Variants in AFF3 observed in about 807,000 individuals in gnomAD.
AFF3 encodes AF4/FMR2 family member 3.
In AFF3, 32 loss-of-function variants were observed where a neutral mutation model predicts 129.7. The ratio of observed to expected loss-of-function variants is 0.25; its 90% CI spans 0.19 to 0.33. The LOEUF is 0.33. AFF3 is among the 10% of genes least tolerant of loss of function. AFF3 has a pLI of 1.00. For missense variants in AFF3, 1,373 were observed against 1,592.0 expected (o/e 0.86, Z 2.34); for synonymous variants, 644 against 635.4 (o/e 1.01, Z -0.20).
At chr2:100,022,951 C>T (rs1188690700) in intron 4 of AFF3, among the ~76,000 whole-genome samples, 10 of 152,214 alleles carry the variant, frequency 6.6e-5, no homozygotes, top group Admixed American at 6.5e-4. Flanking sequence ...TCACATTTCT[C>T]CCCATCCTTG....
chr2:99,716,892 A>G (rs1558780782), intron 11 of AFF3, among the ~76,000 whole-genome samples: 6 of 148,838 alleles, frequency 4.0e-5, no homozygotes, highest in Non-Finnish European at 8.9e-5. Flanking sequence ...CAAAAAAAAA[A>G]TATATATATA....
At chr2:99,695,938 G>GAAAAAAAAAAAAAA (rs10719354) in intron 11 of AFF3, among the ~76,000 whole-genome samples, 101 of 57,628 alleles carry the variant, frequency 1.8e-3, no homozygotes, top group African/African-American at 3.4e-3. Context: ...CTGGAAAAAT[G>GAAAAAAAAAAAAAA]AAAAAAAAAA....
chr2:99,814,464 G>T (rs1182941714), intron 8 of AFF3, among the ~76,000 whole-genome samples: 1 of 152,182 alleles, frequency 6.6e-6, no homozygotes, highest in Non-Finnish European at 1.5e-5. Flanking sequence ...GGAAGGGCAG[G>T]TCCTGGGGAA....
At chr2:99,799,310 G>T (rs1472005745) in intron 8 of AFF3, among the ~76,000 whole-genome samples, 1 of 151,740 alleles carries the variant, frequency 6.6e-6, no homozygotes, top group Non-Finnish European at 1.5e-5. Flanking sequence ...ATGAAACACA[G>T]AGAGAAAAGA....
intron 7 of AFF3, among the ~76,000 whole-genome samples, chr2:99,865,053 C>T (rs1193865523): frequency 2.0e-5 from 3 of 152,226 alleles, no homozygotes; most frequent in Non-Finnish European, 4.4e-5. Context: ...TCTGACAACA[C>T]TGCAACACTC....
intron 4 of AFF3, among the ~76,000 whole-genome samples, chr2:100,026,269 T>C (rs547232772): frequency 1.3e-5 from 2 of 152,282 alleles, no homozygotes; most frequent in South Asian, 2.1e-4. Flanking sequence ...AAAGATGTTA[T>C]ACAAATGGCC....
chr2:99,945,624 C>T (rs1186679981), intron 7 of AFF3, among the ~76,000 whole-genome samples: 1 of 152,182 alleles, frequency 6.6e-6, no homozygotes, highest in African/African-American at 2.4e-5. Flanking sequence ...TCTCCATCGG[C>T]CTCACCCTCA....
intron 11 of AFF3, among the ~76,000 whole-genome samples, chr2:99,710,341 C>G (rs560880086): frequency 1.3e-5 from 2 of 152,162 alleles, no homozygotes; most frequent in African/African-American, 4.8e-5. Context: ...GCAACCTCTG[C>G]TTCCCCAGTT....
At chr2:100,139,444 G>A (rs532363157) in intron 1 of AFF3, among the ~76,000 whole-genome samples, 1 of 152,244 alleles carries the variant, frequency 6.6e-6, no homozygotes, top group South Asian at 2.1e-4. Flanking sequence ...CTGTCAACAG[G>A]CTATAGGGGA....
At chr2:99,883,554 G>A (rs1692885618) in intron 7 of AFF3, among the ~76,000 whole-genome samples, 1 of 152,230 alleles carries the variant, frequency 6.6e-6, no homozygotes, top group African/African-American at 2.4e-5. Flanking sequence ...AATCTTTGGA[G>A]TGACCCTTCA....
chr2:99,867,516 G>T (rs1430147919), intron 7 of AFF3, among the ~76,000 whole-genome samples: 1 of 143,068 alleles, frequency 7.0e-6, no homozygotes, highest in Non-Finnish European at 1.5e-5. Context: ...AGGAGTAAGA[G>T]AAACCTCCAG....
Position 99,930,834 on chromosome 2 carries a change from T to C in AFF3, c.873+75798A>G, listed in dbSNP as rs555963401. On this transcript the variant is annotated intron_variant, in intron 7 of 24. Transcript: ENST00000672756. Reference sequence around the variant, plus strand: ...CAAAATGTATGCATTTTCCAATTCATGGTTTTCAAGGACATGTTCCATTTC... The same window carrying C: ...CAAAATGTATGCATTTTCCAATTCACGGTTTTCAAGGACATGTTCCATTTC... 4.0e-4 allele frequency among the ~76,000 whole-genome samples: 61 copies of C among 151,096 alleles called. No homozygotes were observed. The South Asian group carries it at 0.012, about 29-fold the overall frequency.
intron 11 of AFF3, among the ~76,000 whole-genome samples, chr2:99,687,508 C>T (rs1675187315): frequency 6.6e-6 from 1 of 152,130 alleles, no homozygotes; most frequent in African/African-American, 2.4e-5. Context: ...CGAGGACACT[C>T]TTCAAGCCAC....
In AFF3 at chr2:99,545,617, C is replaced by T. The variant is rs187578124; in HGVS notation, c.*5857G>A. On this transcript the variant is annotated 3_prime_UTR_variant, in exon 25 of 25. Transcript: ENST00000672756. ...TACATCAATACCCCTGGTGCTTCAA[C>T]ACAAATGCTGACCCTTGTACTGACT... 6.5e-6 allele frequency: 1 copy of T among 154,982 alleles called. No individual in the cohort carries two copies. Among genetic ancestry groups the T allele is most frequent in the East Asian group, 1.8e-4 (1 of 5,680 alleles). The allele number at this position is 154,982 out of a possible 1,614,324, so 9.6% of individuals were successfully genotyped here.
intron 7 of AFF3, among the ~76,000 whole-genome samples, chr2:99,938,894 C>G (rs1674770475): frequency 6.6e-6 from 1 of 152,204 alleles, no homozygotes; most frequent in Non-Finnish European, 1.5e-5. Context: ...GGCCTTTATA[C>G]ATGCAGCCCC....
chr2:99,744,323 T>A (rs1396176488), intron 9 of AFF3, among the ~76,000 whole-genome samples, 183 bp from the exon 10 acceptor site: 1 of 152,250 alleles, frequency 6.6e-6, no homozygotes, highest in East Asian at 1.9e-4. Flanking sequence ...GTTCTGGGAA[T>A]ATACTTCACA....
rs1023837568 is a variant in AFF3, at chr2:100,041,842, A to G, written c.54-32910T>C. On this transcript the variant is annotated intron_variant, in intron 4 of 24. Transcript: ENST00000672756. Reference sequence around the variant, plus strand: ...TAGAAGGGATATTTGCATCATCACAAGTACACAGGCTATTATTACATGTAA... The same window carrying G: ...TAGAAGGGATATTTGCATCATCACAGGTACACAGGCTATTATTACATGTAA... Among the ~76,000 whole-genome samples the G allele has an allele frequency of 5.3e-5, 8 of 152,328 alleles. No individual in the cohort carries two copies. The East Asian group carries it at 1.5e-3, about 29-fold the overall frequency.
At chr2:100,036,077 T>G (rs1356979232) in intron 4 of AFF3, among the ~76,000 whole-genome samples, 2 of 137,746 alleles carry the variant, frequency 1.5e-5, no homozygotes, top group Non-Finnish European at 1.5e-5. Context: ...AGAGAGAAAA[T>G]TGATATGGTT....
At chr2:100,022,991 T>A (rs1447454779) in intron 4 of AFF3, among the ~76,000 whole-genome samples, 1 of 152,220 alleles carries the variant, frequency 6.6e-6, no homozygotes, top group Non-Finnish European at 1.5e-5. Flanking sequence ...CAATTAGTCC[T>A]CTGCCGAGTT....
Sources: allele counts gnomAD v4.1 joint callset (sites outside exome capture counted in the v4.1 genomes callset), GRCh38; gene constraint gnomAD v4.1.1; transcripts MANE v1.5; gene names NCBI Gene and HGNC (gene_info 2026-07-23, HGNC 2026-07-21).